CHCHD3: variants seen among roughly 807,000 people sequenced by gnomAD.
The protein encoded by CHCHD3 is coiled-coil-helix-coiled-coil-helix domain containing 3, also known as MICOS complex subunit MIC19.
Under a neutral mutation model 38.2 loss-of-function variants are expected in CHCHD3, and 20 were observed. The observed-to-expected ratio is 0.52, with a 90% CI of 0.37 to 0.76. The LOEUF (loss-of-function observed/expected upper bound fraction) is 0.76, where lower values mean the gene tolerates loss of function less well. Ranked by LOEUF, CHCHD3 falls within the 30% of genes least tolerant of loss-of-function variation. CHCHD3 has a pLI of 0.00. For synonymous variants in CHCHD3, 82 were observed against 100.0 expected, an observed-to-expected ratio of 0.82 and a Z score of 1.07; for missense variants, 245 against 279.2, an observed-to-expected ratio of 0.88 and a Z score of 0.87.
intron 4 of CHCHD3, among the ~76,000 whole-genome samples, chr7:132,955,418 G>A (rs1449366834): frequency 6.6e-6 from 1 of 152,022 alleles, no homozygotes. Context: ...TTTTCATCTA[G>A]AAAGTGGAGG....
chr7:133,052,641 A>G (rs1336912239), intron 2 of CHCHD3, among the ~76,000 whole-genome samples: 1 of 152,176 alleles, frequency 6.6e-6, no homozygotes, highest in African/African-American at 2.4e-5. Flanking sequence ...CTTAAGTGAC[A>G]AACACACATA....
intron 6 of CHCHD3, among the ~76,000 whole-genome samples, chr7:132,835,682 C>T (rs773838365): frequency 6.6e-6 from 1 of 152,148 alleles, no homozygotes; most frequent in Admixed American, 6.5e-5. Flanking sequence ...AATCTGCTAA[C>T]CTCATAATTC....
intron 5 of CHCHD3, among the ~76,000 whole-genome samples, chr7:132,867,551 G>A (rs903361691): frequency 6.6e-6 from 1 of 152,128 alleles, no homozygotes; most frequent in Non-Finnish European, 1.5e-5. Context: ...GTTGCTGATT[G>A]TTGATTGAAA....
At chr7:132,912,810 C>T (rs1277394397) in intron 4 of CHCHD3, among the ~76,000 whole-genome samples, 1 of 152,260 alleles carries the variant, frequency 6.6e-6, no homozygotes, top group African/African-American at 2.4e-5. Flanking sequence ...CCTCCTTGGC[C>T]TTCCAAAGTG....
In CHCHD3 at chr7:132,785,485, G is replaced by A; in HGVS notation, c.*152C>T. The A allele has an allele frequency of 1.3e-6, 1 of 759,754 alleles. No homozygotes were observed. Among genetic ancestry groups the A allele is most frequent in the Non-Finnish European group, 2.2e-6 (1 of 450,568 alleles). The allele number at this position is 759,754 out of a possible 1,614,324, so 47.1% of individuals were successfully genotyped here. On this transcript the variant is annotated 3_prime_UTR_variant, in exon 8 of 8. Coordinates refer to ENST00000262570, the MANE Select transcript of CHCHD3 (RefSeq NM_017812.4). ...TTCAAACTGCTGCTGTTCAAAACGT[G>A]AAATGATTCTGCTGAATCCATTCTT...
chr7:132,875,911 T>C (rs1003491108), intron 5 of CHCHD3, among the ~76,000 whole-genome samples: 1 of 152,236 alleles, frequency 6.6e-6, no homozygotes, highest in Non-Finnish European at 1.5e-5. Context: ...TTCTATTTGA[T>C]GATGTTATGA....
intron 5 of CHCHD3, among the ~76,000 whole-genome samples, chr7:132,881,346 T>C (rs1212314695): frequency 1.3e-5 from 2 of 152,204 alleles, no homozygotes; most frequent in African/African-American, 4.8e-5. Context: ...CAAATCAAGC[T>C]GTATTACAGA....
intron 3 of CHCHD3, among the ~76,000 whole-genome samples, chr7:132,988,946 A>T (rs1254019991): frequency 6.6e-6 from 1 of 152,222 alleles, no homozygotes; most frequent in African/African-American, 2.4e-5. Context: ...ATAAAAAAAT[A>T]GTAACACAAT....
At chr7:133,028,993 C>T (rs1451515596) in intron 2 of CHCHD3, among the ~76,000 whole-genome samples, 1 of 152,082 alleles carries the variant, frequency 6.6e-6, no homozygotes, top group Non-Finnish European at 1.5e-5. Flanking sequence ...CTACAGGAGT[C>T]CCCACCAGTA....
At chr7:132,950,665 A>G (rs1323073846) in intron 4 of CHCHD3, among the ~76,000 whole-genome samples, 1 of 152,172 alleles carries the variant, frequency 6.6e-6, no homozygotes, top group Non-Finnish European at 1.5e-5. Flanking sequence ...TATTTTTTAA[A>G]GAAGGTTTTT....
chr7:133,063,523 G>C (rs533986058), intron 2 of CHCHD3, among the ~76,000 whole-genome samples: 1 of 152,188 alleles, frequency 6.6e-6, no homozygotes, highest in Admixed American at 6.5e-5. Context: ...CTTTCTTTCT[G>C]CAATAGGGCC....
At position 132,886,621 on chromosome 7, in the gene CHCHD3, A is replaced by AGT. The variant is rs976041428; in HGVS notation, c.370-878_370-877dup. On this transcript the variant is annotated intron_variant, in intron 4 of 7. Transcript: ENST00000262570. ...TATGCCTGACTACAACTTATAAGAAAGTGTGTGTGTGTATATATATGTGTA... is the reference window on the plus strand; with the variant it reads ...TATGCCTGACTACAACTTATAAGAAAGTGTGTGTGTGTGTATATATATGTGTA... 3.3e-5 allele frequency among the ~76,000 whole-genome samples: 5 copies of AGT among 151,310 alleles called. No individual in the cohort carries two copies. In the East Asian group the frequency reaches 5.8e-4, roughly 18 times the overall value.
chr7:133,035,196 T>G lies in CHCHD3; in HGVS notation c.170-10569A>C. ...CTCCTTCCGCTCAGCCTGGGGCTTC[T>G]GCTTCTCTTCCCGTGAACCCTTCTC... On this transcript the variant is annotated intron_variant, in intron 2 of 7. Coordinates refer to ENST00000262570, the MANE Select transcript of CHCHD3 (RefSeq NM_017812.4). This position sits in a 1 kb window ranked among gnomAD's most constrained non-coding sequence, Gnocchi z 4.7. 1 of 1,613,794 alleles carries G rather than the reference T, an allele frequency of 6.2e-7. No individual in the cohort carries two copies. Among genetic ancestry groups the G allele is most frequent in the South Asian group, 1.1e-5 (1 of 91,070 alleles).
chr7:132,957,759 C>CG (rs1433924259), intron 4 of CHCHD3, among the ~76,000 whole-genome samples: 1 of 152,138 alleles, frequency 6.6e-6, no homozygotes, highest in African/African-American at 2.4e-5. Flanking sequence ...GGATTACAGA[C>CG]GTGAGCCACT....
At chr7:132,863,748 GC>G (rs1341834250) in intron 5 of CHCHD3, among the ~76,000 whole-genome samples, 3 of 152,212 alleles carry the variant, frequency 2.0e-5, no homozygotes, top group African/African-American at 7.2e-5. Context: ...CCTTGCTCCA[GC>G]TTCCACATCA....
At chr7:132,816,007 T>G (rs950035701) in intron 6 of CHCHD3, among the ~76,000 whole-genome samples, 2 of 152,142 alleles carry the variant, frequency 1.3e-5, no homozygotes, top group African/African-American at 2.4e-5. Context: ...GAAACAAAAT[T>G]TATTTGCCTT....
intron 3 of CHCHD3, among the ~76,000 whole-genome samples, chr7:133,023,609 C>G (rs1813251738): frequency 6.6e-6 from 1 of 152,190 alleles, no homozygotes; most frequent in South Asian, 2.1e-4. Context: ...TCATAATTCT[C>G]TAAGCTATGT....
chr7:133,035,382 A>C lies in CHCHD3; in HGVS notation c.170-10755T>G, dbSNP rs932747646. 1 of 1,613,324 alleles carries C rather than the reference A, an allele frequency of 6.2e-7. No individual in the cohort carries two copies. The highest frequency in any genetic ancestry group is 1.3e-5 in the African/African-American group (1 of 74,924). On this transcript the variant is annotated intron_variant, in intron 2 of 7. Transcript: ENST00000262570. The surrounding 1 kb of genome is among the most constrained non-coding windows in gnomAD (Gnocchi z 4.7). ...GTTGGTATTGCGAAAGGCCCGGCGG[A>C]AAGAAGGCTCTAGAACCTGCTTATA...
intron 2 of CHCHD3, among the ~76,000 whole-genome samples, chr7:133,030,539 AC>A (rs771431786): frequency 1.6e-4 from 25 of 152,180 alleles, no homozygotes; most frequent in Non-Finnish European, 3.1e-4. Flanking sequence ...AGGAGTAAAA[AC>A]AAAAAAATGT....
Sources: allele counts gnomAD v4.1 joint callset (sites outside exome capture counted in the v4.1 genomes callset), GRCh38; gene constraint gnomAD v4.1.1; non-coding constraint Gnocchi (gnomAD v3.1); transcripts MANE v1.5; gene names NCBI Gene and HGNC (gene_info 2026-07-23, HGNC 2026-07-21).